The following AFF4 variants were observed in gnomAD, a reference collection of about 807,000 sequenced individuals.
AFF4 encodes the protein ALF transcription elongation factor 4.
AFF4 carries 13 observed loss-of-function variants against 124.8 expected under a neutral mutation model. The ratio of observed to expected loss-of-function variants is 0.10; its 90% CI spans 0.07 to 0.17. The LOEUF (loss-of-function observed/expected upper bound fraction) is 0.17. Ranked by LOEUF, AFF4 falls within the 10% of genes least tolerant of loss-of-function variation. The pLI is 1.00. For synonymous variants in AFF4, 477 were observed against 496.1 expected (o/e 0.96, Z 0.51); for missense variants, 1,092 against 1,403.8 (o/e 0.78, Z 3.55).
At position 132,916,238 on chromosome 5, in the gene AFF4, C is replaced by CAA. The variant is rs70974061; in HGVS notation, c.1050+10881_1050+10882dup. On this transcript the variant is annotated intron_variant, in intron 5 of 20. Transcript: ENST00000265343. ...TGGGTGACAGAGTAAGATGCTGTCT[C>CAA]AAAAAAAAAAAAAAAAAAAAAAAAA... Among the ~76,000 whole-genome samples the CAA allele has an allele frequency of 6.0e-3, 304 of 50,680 alleles. 18 individuals carry two copies. The highest frequency in any genetic ancestry group is 0.015 in the Middle Eastern group (1 of 66). The allele number at this position is 50,680 out of a possible 152,430, so 33.2% of individuals were successfully genotyped here.
chr5:132,887,187 T>G (rs950095203), intron 17 of AFF4, among the ~76,000 whole-genome samples: 20 of 152,174 alleles, frequency 1.3e-4, no homozygotes, highest in African/African-American at 4.6e-4. Flanking sequence ...CTGAACAAAC[T>G]AGATGCTTGC....
intron 5 of AFF4, among the ~76,000 whole-genome samples, chr5:132,916,496 A>C (rs1242638109): frequency 6.6e-6 from 1 of 152,118 alleles, no homozygotes; most frequent in Non-Finnish European, 1.5e-5. Flanking sequence ...AATCAGCATG[A>C]GAATACTGCT....
Position 132,887,689 on chromosome 5 carries a change from A to G in AFF4, c.2934-97T>C, listed in dbSNP as rs1365954766. On this transcript the variant is annotated intron_variant, in intron 16 of 20. Transcript: ENST00000265343. ...CAAAACATTAGAATTTCAAACCTAAATAAAAGCAAAAATACTCATTGAAGT... is the reference window on the plus strand; with the variant it reads ...CAAAACATTAGAATTTCAAACCTAAGTAAAAGCAAAAATACTCATTGAAGT... 5 of 1,517,162 alleles carry G rather than the reference A, an allele frequency of 3.3e-6. No homozygotes were observed. The South Asian group carries it at 5.8e-5, about 18-fold the overall frequency. 94.0% of individuals were successfully genotyped at this position (1,517,162 alleles called of 1,614,324 possible). A position where few individuals can be genotyped will look rare whatever the true frequency, so the allele number is the denominator to read the frequency against.
chr5:132,908,386 C>T (rs945323581), intron 5 of AFF4, among the ~76,000 whole-genome samples: 1 of 151,872 alleles, frequency 6.6e-6, no homozygotes, highest in African/African-American at 2.4e-5. Context: ...CTGGATGCCA[C>T]AAAGATATAG....
At chr5:132,899,419 G>GA (rs1206228494) in intron 8 of AFF4, among the ~76,000 whole-genome samples, 168 bp downstream of exon 8, 2 of 151,736 alleles carry the variant, frequency 1.3e-5, no homozygotes, top group Non-Finnish European at 2.9e-5. Flanking sequence ...AAAAAAATAA[G>GA]AAAAAAATGG....
chr5:132,948,292 G>A (rs1051590241), intron 1 of AFF4, among the ~76,000 whole-genome samples: 1 of 151,892 alleles, frequency 6.6e-6, no homozygotes, highest in Non-Finnish European at 1.5e-5. Context: ...CTCATGATCC[G>A]CCCACCTCAG....
chr5:132,918,284 T>C (rs1482563816), intron 5 of AFF4, among the ~76,000 whole-genome samples: 1 of 151,946 alleles, frequency 6.6e-6, no homozygotes, highest in Non-Finnish European at 1.5e-5. Flanking sequence ...TCCCACCTAC[T>C]TAGAAGGCTG....
intron 5 of AFF4, chr5:132,926,902 GC>G (rs967379427): frequency 2.2e-6 from 1 of 451,440 alleles, no homozygotes; most frequent in African/African-American, 2.1e-5. Context: ...TGCCTTCAAA[GC>G]TTTCTTAATA....
intron 11 of AFF4, among the ~76,000 whole-genome samples, chr5:132,893,359 T>C (rs1365422195): frequency 6.6e-6 from 1 of 152,202 alleles, no homozygotes; most frequent in Non-Finnish European, 1.5e-5. Context: ...TGGCATCTTT[T>C]CAATGTAATG....
At chr5:132,950,228 C>T (rs948731514) in intron 1 of AFF4, among the ~76,000 whole-genome samples, 2 of 152,188 alleles carry the variant, frequency 1.3e-5, no homozygotes, top group Admixed American at 1.3e-4. Context: ...GTAATTCCAG[C>T]ACCTTGGGAG....
Position 132,878,893 on chromosome 5 carries a change from G to C in AFF4, c.*2166C>G, listed in dbSNP as rs182331648. On this transcript the variant is annotated 3_prime_UTR_variant, in exon 21 of 21. Transcript: ENST00000265343. ...TTGCTGAAAGTCTGAAAGCCCAGAGGATACTTTTTCCATTTCTAAGACATC... is the reference window on the plus strand; with the variant it reads ...TTGCTGAAAGTCTGAAAGCCCAGAGCATACTTTTTCCATTTCTAAGACATC... The C allele has an allele frequency of 1.8e-5, 4 of 222,470 alleles. No individual in the cohort carries two copies. The East Asian group carries it at 2.6e-4, about 15-fold the overall frequency. 13.8% of individuals were successfully genotyped at this position (222,470 alleles called of 1,614,324 possible). A position where few individuals can be genotyped will look rare whatever the true frequency, so the allele number is the denominator to read the frequency against.
intron 5 of AFF4, among the ~76,000 whole-genome samples, chr5:132,904,813 G>A (rs577911920): frequency 6.6e-6 from 1 of 152,094 alleles, no homozygotes; most frequent in South Asian, 2.1e-4. Context: ...TTTTTTGGGA[G>A]GCCGAGGCTG....
intron 1 of AFF4, among the ~76,000 whole-genome samples, chr5:132,953,665 G>A (rs1390705425): frequency 6.6e-6 from 1 of 152,098 alleles, no homozygotes; most frequent in Non-Finnish European, 1.5e-5. Flanking sequence ...AATGCATCCA[G>A]CCAGCCAACT....
intron 8 of AFF4, 25 bp downstream of exon 8, chr5:132,899,562 C>CA (rs757040194): frequency 6.3e-7 from 1 of 1,589,328 alleles, no homozygotes; most frequent in East Asian, 2.2e-5. Context: ...ATGAGACTGG[C>CA]AAAATAATAC....
Position 132,901,034 on chromosome 5 carries a change from CA to C in AFF4, c.1134-1394del, listed in dbSNP as rs1284816028. ...AAACACCACCTTGAAATAAAGTAAC[CA>C]GATGATTTTTAAGACTGGCCCAATT... On this transcript the variant is annotated intron_variant, in intron 7 of 20. Coordinates refer to ENST00000265343, the MANE Select transcript of AFF4 (RefSeq NM_014423.4). The C allele has an allele frequency of 5.1e-6, 5 of 985,204 alleles. No individual in the cohort carries two copies. The African/African-American group carries it at 8.7e-5, about 17-fold the overall frequency. The allele number at this position is 985,204 out of a possible 1,614,324, so 61.0% of individuals were successfully genotyped here. A position where few individuals can be genotyped will look rare whatever the true frequency, so the allele number is the denominator to read the frequency against.
chr5:132,957,310 A>G (rs910326717), intron 1 of AFF4, among the ~76,000 whole-genome samples: 5 of 152,020 alleles, frequency 3.3e-5, no homozygotes, highest in Non-Finnish European at 7.4e-5. Context: ...CATGCACTCC[A>G]GCCTGGGTAA....
intron 5 of AFF4, among the ~76,000 whole-genome samples, chr5:132,919,410 C>T (rs1350703128): frequency 6.6e-6 from 1 of 152,070 alleles, no homozygotes; most frequent in African/African-American, 2.4e-5. Context: ...AAAGGCAATT[C>T]AATGGAAAGA....
intron 1 of AFF4, among the ~76,000 whole-genome samples, chr5:132,959,806 C>A (rs1762042966): frequency 7.5e-6 from 1 of 132,940 alleles, no homozygotes; most frequent in Non-Finnish European, 1.5e-5. Flanking sequence ...GCTCTGTTGC[C>A]CAGGCTGGAG....
chr5:132,961,495 G>A (rs1236104159), intron 1 of AFF4, among the ~76,000 whole-genome samples: 1 of 152,062 alleles, frequency 6.6e-6, no homozygotes, highest in African/African-American at 2.4e-5. Flanking sequence ...AAAGTGCTAG[G>A]ATTACAGGCG....
Sources: allele counts gnomAD v4.1 joint callset (sites outside exome capture counted in the v4.1 genomes callset), GRCh38; gene constraint gnomAD v4.1.1; transcripts MANE v1.5; gene names NCBI Gene and HGNC (gene_info 2026-07-23, HGNC 2026-07-21).